The following POU2F1 variants were observed in gnomAD, a reference collection of about 807,000 sequenced individuals.
The protein encoded by POU2F1 is POU class 2 homeobox 1.
In POU2F1, 16 loss-of-function variants were observed where a neutral mutation model predicts 84.9. The ratio of observed to expected loss-of-function variants is 0.19; its 90% confidence interval spans 0.13 to 0.29. POU2F1 has a LOEUF of 0.29. Ranked by LOEUF, POU2F1 falls within the 10% of genes least tolerant of loss-of-function variation. POU2F1 has a pLI of 1.00. For synonymous variants in POU2F1, 368 were observed against 368.3 expected (o/e 1.00, Z 0.01); for missense variants, 738 against 942.6 (o/e 0.78, Z 2.84).
intron 2 of POU2F1, among the ~76,000 whole-genome samples, chr1:167,340,437 T>TC (rs1553211090): frequency 6.9e-6 from 1 of 144,178 alleles, no homozygotes; most frequent in Non-Finnish European, 1.5e-5. Context: ...TTTTCTTTTT[T>TC]TTTTTTTTTT....
chr1:167,374,170 G>C lies in POU2F1; in HGVS notation c.465G>C (p.Leu155=). 1 of 1,614,040 alleles carries C rather than the reference G, an allele frequency of 6.2e-7. No homozygotes were observed. The highest frequency in any genetic ancestry group is 8.5e-7 in the Non-Finnish European group (1 of 1,179,994). Residue 155 remains leucine (L), a synonymous_variant, in exon 6 of 16, where the codon CTG becomes CTC. Transcript: ENST00000367866. ...AGCAGGCACAGGCACAGGCACAGCT[G>C]CTGGCTGCTGCAGTGCAGCAGCACT... ...LLQQAQAQAQ[L]LAAAVQQHSA...
Position 167,332,515 on chromosome 1 carries a change from A to T in POU2F1, c.107A>T (p.Glu36Val), listed in dbSNP as rs767876892. ...NPSETSKPSMESGDGNTGTQT... is the reference protein window; with the variant it reads ...NPSETSKPSMVSGDGNTGTQT... ...TCAGAAACCAGTAAACCATCTATGG[A>T]GAGTGGAGATGGCAACACAGGTAAG... Residue 36 changes from glutamate (E) to valine (V), a missense_variant, in exon 2 of 16, where the codon GAG becomes GTG. Glu to Val is a moderately radical substitution (Grantham distance 121). This residue lies in a region of POU2F1 where 161 missense variants were observed against 147.0 expected (regional missense o/e 1.10). Transcript: ENST00000367866. The T allele has an allele frequency of 6.2e-7, 1 of 1,608,224 alleles. No individual in the cohort carries two copies. The highest frequency in any genetic ancestry group is 2.2e-5 in the East Asian group (1 of 44,792).
intron 2 of POU2F1, 37 bp downstream of exon 2, chr1:167,332,572 A>C: frequency 6.7e-7 from 1 of 1,501,254 alleles, no homozygotes; most frequent in South Asian, 1.1e-5. Context: ...AATTAACTCT[A>C]GTAGAGCACA....
chr1:167,368,132 G>A (rs547898541), intron 3 of POU2F1, among the ~76,000 whole-genome samples: 6 of 152,168 alleles, frequency 3.9e-5, no homozygotes, highest in Admixed American at 2.0e-4. Context: ...CATACTTTGC[G>A]TTTAGCTGTC....
chr1:167,235,194 T>G (rs1413683273), intron 1 of POU2F1, among the ~76,000 whole-genome samples: 1 of 152,236 alleles, frequency 6.6e-6, no homozygotes, highest in Admixed American at 6.5e-5. Flanking sequence ...TCAATTTTTC[T>G]TTTACACTAC....
chr1:167,373,795 A>G (rs757660854), intron 5 of POU2F1, among the ~76,000 whole-genome samples: 51 of 149,362 alleles, frequency 3.4e-4, no homozygotes, highest in Non-Finnish European at 8.9e-5. Flanking sequence ...GTGTAAATGT[A>G]TTTTCATATC....
rs1411692585 is a variant in POU2F1, at chr1:167,237,766, ATATATATTTTTTTTTTTT to A, written c.61+16810_61+16827del. 1.7e-3 allele frequency among the ~76,000 whole-genome samples: 96 copies of A among 57,982 alleles called. 1 individual carries two copies. Among genetic ancestry groups the A allele is most frequent in the African/African-American group, 5.2e-3 (88 of 16,966 alleles). 38.0% of individuals were successfully genotyped at this position (57,982 alleles called of 152,430 possible). A position where few individuals can be genotyped will look rare whatever the true frequency, so the allele number is the denominator to read the frequency against. On this transcript the variant is annotated intron_variant, in intron 1 of 15. Transcript: ENST00000367866. ...TGTGTGTATATATATATATATATAT[ATATATATTTTTTTTTTTT>A]TTTTTTTTTTTTTTTGGCAGAGTGT...
chr1:167,345,293 T>C (rs184948966), intron 2 of POU2F1, among the ~76,000 whole-genome samples: 82 of 152,224 alleles, frequency 5.4e-4, no homozygotes, highest in African/African-American at 1.9e-3. Flanking sequence ...TTTTTTGTTG[T>C]TTTTTAGGTG....
chr1:167,410,762 C>T (rs1649907154), intron 13 of POU2F1, among the ~76,000 whole-genome samples: 1 of 152,108 alleles, frequency 6.6e-6, no homozygotes, highest in African/African-American at 2.4e-5. Flanking sequence ...ATGATCCACT[C>T]ACCTCAGCCT....
chr1:167,377,664 T>G (rs1660421587), intron 7 of POU2F1, among the ~76,000 whole-genome samples: 1 of 152,178 alleles, frequency 6.6e-6, no homozygotes, highest in Non-Finnish European at 1.5e-5. Flanking sequence ...CCAATTACTT[T>G]TTTTCTTATT....
At chr1:167,378,661 C>T (rs1437176389) in intron 7 of POU2F1, among the ~76,000 whole-genome samples, 1 of 152,168 alleles carries the variant, frequency 6.6e-6, no homozygotes, top group Non-Finnish European at 1.5e-5. Context: ...CCACCTCGGC[C>T]TCCCAGAGTG....
intron 1 of POU2F1, among the ~76,000 whole-genome samples, chr1:167,221,764 G>T (rs1370526501): frequency 6.6e-6 from 1 of 151,734 alleles, no homozygotes; most frequent in African/African-American, 2.4e-5. Context: ...GGTCGTGGGC[G>T]CTGCGAGGTG....
chr1:167,302,321 C>T (rs572500545), intron 1 of POU2F1, among the ~76,000 whole-genome samples: 288 of 150,820 alleles, frequency 1.9e-3, no homozygotes, highest in African/African-American at 6.6e-3. Context: ...AGTGCAGTGG[C>T]GTGATCTCTG....
intron 1 of POU2F1, among the ~76,000 whole-genome samples, chr1:167,328,750 C>T (rs1656875959): frequency 6.6e-6 from 1 of 152,144 alleles, no homozygotes; most frequent in African/African-American, 2.4e-5. Flanking sequence ...TTTTTCCCTT[C>T]ATGCACTGCC....
intron 2 of POU2F1, among the ~76,000 whole-genome samples, chr1:167,335,023 G>A (rs1189485318): frequency 1.3e-5 from 2 of 152,166 alleles, no homozygotes; most frequent in African/African-American, 4.8e-5. Context: ...TTAAGATTGT[G>A]TTGATACGTT....
intron 1 of POU2F1, among the ~76,000 whole-genome samples, chr1:167,266,168 C>G (rs1224806466): frequency 6.6e-6 from 1 of 152,190 alleles, no homozygotes; most frequent in Non-Finnish European, 1.5e-5. Context: ...GATACATGTG[C>G]AGGACCTGCA....
intron 2 of POU2F1, among the ~76,000 whole-genome samples, chr1:167,346,339 A>G (rs1186413663): frequency 2.0e-5 from 3 of 152,208 alleles, no homozygotes; most frequent in Non-Finnish European, 4.4e-5. Context: ...TTAAAAATAC[A>G]CATACTATTA....
intron 1 of POU2F1, 130 bp downstream of exon 1, chr1:167,221,088 G>C (rs1009184359): frequency 2.2e-5 from 19 of 882,912 alleles, no homozygotes; most frequent in Non-Finnish European, 3.1e-5. Context: ...ATGGGGGGCC[G>C]GGGAGCATTG....
chr1:167,269,870 C>T (rs982440985), intron 1 of POU2F1, among the ~76,000 whole-genome samples: 7 of 150,362 alleles, frequency 4.7e-5, no homozygotes, highest in Admixed American at 4.0e-4. Context: ...GCCGAGATCC[C>T]GCCACTGCAC....
Sources: allele counts gnomAD v4.1 joint callset (sites outside exome capture counted in the v4.1 genomes callset), GRCh38; gene constraint gnomAD v4.1.1; regional missense constraint gnomAD v4.1.1; transcripts MANE v1.5; gene names NCBI Gene and HGNC (gene_info 2026-07-23, HGNC 2026-07-21).